The following GPC6 variants were observed in gnomAD, a reference collection of about 807,000 sequenced individuals.
The protein encoded by GPC6 is glypican-6.
In GPC6, 14 loss-of-function variants were observed where a neutral mutation model predicts 55.2. That is an observed-to-expected ratio of 0.25 (90% confidence interval 0.17 to 0.40). GPC6 has a LOEUF of 0.40. Ranked by LOEUF, GPC6 falls within the 10% of genes least tolerant of loss-of-function variation. The probability of loss-of-function intolerance (pLI) is 1.00; values close to 1 mark genes in which losing one functional copy is unlikely to be tolerated. For missense variants in GPC6, 641 were observed against 708.5 expected (o/e 0.90, Z 1.08); for synonymous variants, 278 against 259.6 (o/e 1.07, Z -0.68).
chr13:93,846,660 A>T (rs996856311), intron 3 of GPC6, among the ~76,000 whole-genome samples: 1 of 152,150 alleles, frequency 6.6e-6, no homozygotes, highest in African/African-American at 2.4e-5. Flanking sequence ...TAAAGTACAA[A>T]AAAATTAGCC....
chr13:93,752,978 CA>C (rs562999964), intron 2 of GPC6, among the ~76,000 whole-genome samples: 179 of 152,292 alleles, frequency 1.2e-3, no homozygotes, highest in Admixed American at 0.011. Flanking sequence ...CTTTCATTCT[CA>C]GTCTGAATTT....
At position 93,427,261 on chromosome 13, in the gene GPC6, A is replaced by T. The variant is rs187778476; in HGVS notation, c.161-118002A>T. On this transcript the variant is annotated intron_variant, in intron 1 of 8. Coordinates refer to ENST00000377047, the MANE Select transcript of GPC6 (RefSeq NM_005708.5). ...ATTGGAAAAAACTACTTTAAAGTTC[A>T]TATGGAACCAAAAAAGAGCCTGCAT... Among the ~76,000 whole-genome samples the T allele has an allele frequency of 3.3e-3, 505 of 152,096 alleles. 4 individuals are homozygous for T. Among genetic ancestry groups the T allele is most frequent in the African/African-American group, 0.012 (478 of 41,476 alleles).
At chr13:93,618,593 T>A (rs915050232) in intron 2 of GPC6, among the ~76,000 whole-genome samples, 1 of 152,116 alleles carries the variant, frequency 6.6e-6, no homozygotes, top group East Asian at 1.9e-4. Flanking sequence ...AATTACACTT[T>A]GGATGGAAGA....
intron 1 of GPC6, among the ~76,000 whole-genome samples, chr13:93,460,797 G>T (rs1878652170): frequency 6.6e-6 from 1 of 152,074 alleles, no homozygotes; most frequent in Admixed American, 6.6e-5. Context: ...GTGATATGTT[G>T]CACCTTTCTG....
chr13:93,492,732 G>A (rs2139359660), intron 1 of GPC6, among the ~76,000 whole-genome samples: 1 of 151,318 alleles, frequency 6.6e-6, no homozygotes, highest in African/African-American at 2.4e-5. Flanking sequence ...TTAGCATGAA[G>A]GGTTGTTGAA....
At chr13:93,896,068 T>C (rs186224911) in intron 3 of GPC6, among the ~76,000 whole-genome samples, 60 of 152,136 alleles carry the variant, frequency 3.9e-4, no homozygotes, top group African/African-American at 1.3e-3. Flanking sequence ...CACAAAGAAA[T>C]GATAAATGCT....
Position 94,140,861 on chromosome 13 carries a change from G to A in GPC6, c.877+112967G>A, listed in dbSNP as rs373465726. ...TCTGCCAGTGCCACCTTTGCACATT[G>A]TCAAGGGAAAGGACAAATAACAAAG... On this transcript the variant is annotated intron_variant, in intron 4 of 8. Coordinates refer to ENST00000377047, the MANE Select transcript of GPC6 (RefSeq NM_005708.5). Among the ~76,000 whole-genome samples, 127 of 152,128 alleles carry A rather than the reference G, an allele frequency of 8.3e-4. 4 individuals are homozygous for A. The South Asian group carries it at 0.024, about 29-fold the overall frequency.
At chr13:93,819,749 A>G (rs1166400046) in intron 2 of GPC6, among the ~76,000 whole-genome samples, 1 of 152,240 alleles carries the variant, frequency 6.6e-6, no homozygotes, top group Non-Finnish European at 1.5e-5. Flanking sequence ...TTCAGACTTA[A>G]TTCATGATTC....
chr13:93,479,616 C>CCCA (rs1555303836), intron 1 of GPC6, among the ~76,000 whole-genome samples: 1 of 92,384 alleles, frequency 1.1e-5, no homozygotes, highest in South Asian at 3.9e-4. Flanking sequence ...AGACCCCCCC[C>CCCA]CATCTCTACT....
At chr13:93,748,164 T>A (rs1029130002) in intron 2 of GPC6, among the ~76,000 whole-genome samples, 6 of 152,204 alleles carry the variant, frequency 3.9e-5, no homozygotes, top group Admixed American at 3.9e-4. Flanking sequence ...ACGATACTAT[T>A]CTTTTGTTCA....
chr13:93,568,380 T>C lies in GPC6; in HGVS notation c.319+22959T>C, dbSNP rs189230147. 3.3e-3 allele frequency among the ~76,000 whole-genome samples: 504 copies of C among 152,298 alleles called. 2 individuals carry two copies. The highest frequency in any genetic ancestry group is 6.0e-3 in the Non-Finnish European group (410 of 68,026). On this transcript the variant is annotated intron_variant, in intron 2 of 8. Coordinates refer to ENST00000377047, the MANE Select transcript of GPC6 (RefSeq NM_005708.5). ...AAACTTTTGATTTTGATGAGCAGAGTACATGCCCAACATGATTTTGATTCC... is the reference window on the plus strand; with the variant it reads ...AAACTTTTGATTTTGATGAGCAGAGCACATGCCCAACATGATTTTGATTCC...
intron 4 of GPC6, among the ~76,000 whole-genome samples, chr13:94,238,815 A>G (rs1890960107): frequency 6.6e-6 from 1 of 152,100 alleles, no homozygotes; most frequent in Non-Finnish European, 1.5e-5. Context: ...ATGCTTGTAG[A>G]GGTAAAGAAA....
intron 4 of GPC6, among the ~76,000 whole-genome samples, chr13:94,252,697 TGGA>T (rs1182236601): frequency 6.6e-6 from 1 of 152,076 alleles, no homozygotes; most frequent in Non-Finnish European, 1.5e-5. Flanking sequence ...AATTGAATGA[TGGA>T]ATTTCAAGAA....
In GPC6 at chr13:93,695,791, CTG is replaced by C. The variant is rs1181448029; in HGVS notation, c.320-134360_320-134359del. ...GAGCTCAAAGGCATTTTGGAGGTGACTGTGACATTGCTGATATTAATTGGTAC... is the reference window on the plus strand; with the variant it reads ...GAGCTCAAAGGCATTTTGGAGGTGACTGACATTGCTGATATTAATTGGTAC... On this transcript the variant is annotated intron_variant, in intron 2 of 8. Coordinates refer to ENST00000377047, the MANE Select transcript of GPC6 (RefSeq NM_005708.5). Among the ~76,000 whole-genome samples the C allele has an allele frequency of 2.0e-5, 3 of 152,112 alleles. No homozygotes were observed. In the East Asian group the frequency reaches 5.8e-4, roughly 29 times the overall value.
intron 1 of GPC6, among the ~76,000 whole-genome samples, chr13:93,276,495 A>AGAGAGAGTGTGT (rs1365006783): frequency 5.3e-5 from 5 of 94,456 alleles, no homozygotes; most frequent in African/African-American, 1.8e-4. Context: ...AGAGAGAGAG[A>AGAGAGAGTGTGT]GTGTGTGTGT....
chr13:93,965,739 G>T (rs1447038392), intron 3 of GPC6, among the ~76,000 whole-genome samples: 1 of 152,110 alleles, frequency 6.6e-6, no homozygotes, highest in Non-Finnish European at 1.5e-5. Context: ...TTGAGCCCTT[G>T]TCAAGCCACC....
chr13:93,494,625 T>A (rs1296991336), intron 1 of GPC6, among the ~76,000 whole-genome samples: 1 of 152,312 alleles, frequency 6.6e-6, no homozygotes, highest in South Asian at 2.1e-4. Flanking sequence ...GTCTCAATGG[T>A]CTTTACATTT....
At chr13:93,345,763 A>G (rs1406154456) in intron 1 of GPC6, among the ~76,000 whole-genome samples, 1 of 152,190 alleles carries the variant, frequency 6.6e-6, no homozygotes, top group Non-Finnish European at 1.5e-5. Context: ...GATGATGTTT[A>G]TGATAAACCT....
intron 4 of GPC6, among the ~76,000 whole-genome samples, chr13:94,149,651 A>G (rs1341431608): frequency 6.6e-6 from 1 of 152,042 alleles, no homozygotes; most frequent in African/African-American, 2.4e-5. Flanking sequence ...CAAGCCCTGT[A>G]AGTCTGAGCC....
Sources: gnomAD v4.1 joint callset for allele counts (sites outside exome capture counted in the v4.1 genomes callset) on GRCh38, gnomAD v4.1.1 for gene constraint, MANE v1.5 for transcripts, NCBI Gene and HGNC (gene_info 2026-07-23, HGNC 2026-07-21) for gene names.